TRANK1: variants seen among roughly 807,000 people sequenced by gnomAD.
The protein encoded by TRANK1 is tetratricopeptide repeat and ankyrin repeat containing 1.
A neutral mutation model predicts 266.0 loss-of-function variants in TRANK1; 198 were observed. That is an observed-to-expected ratio of 0.74 (90% CI 0.66 to 0.84). The LOEUF is 0.84. Ranked by LOEUF, TRANK1 falls within the 40% of genes least tolerant of loss-of-function variation. TRANK1 has a pLI of 0.00. For missense variants in TRANK1, 3,326 were observed against 3,634.6 expected (o/e 0.92, Z 2.18); for synonymous variants, 1,396 against 1,384.1 (o/e 1.01, Z -0.19).
Position 36,838,683 on chromosome 3 carries a change from A to C in TRANK1, c.5314T>G (p.Phe1772Val). The change falls in exon 19 of 24, where the codon TTT becomes GTT. Residue 1772 changes from phenylalanine to valine, a missense_variant. Coordinates refer to ENST00000645898, the MANE Select transcript of TRANK1 (RefSeq NM_001329998.2). ...AAKCYQKGGAFEKEKLALAHD... is the reference protein window; with the variant it reads ...AAKCYQKGGAVEKEKLALAHD... ...GCCAGGGCCAACTTCTCCTTCTCAA[A>C]TGCACCTCCTTTCTGGTAACACTTG... 6.2e-7 allele frequency: 1 copy of C among 1,613,748 alleles called. No individual in the cohort carries two copies. Among genetic ancestry groups the C allele is most frequent in the Non-Finnish European group, 8.5e-7 (1 of 1,179,804 alleles).
At chr3:36,892,752 A>G in intron 6 of TRANK1, 149 bp downstream of exon 6, 1 of 255,480 alleles carries the variant, frequency 3.9e-6, no homozygotes, top group Non-Finnish European at 7.0e-6. Context: ...AATTGCTTCA[A>G]CCCAGGAGGA....
At chr3:36,882,233 T>C (rs2125591326) in intron 8 of TRANK1, among the ~76,000 whole-genome samples, 1 of 152,336 alleles carries the variant, frequency 6.6e-6, no homozygotes, top group African/African-American at 2.4e-5. Context: ...TCCACTTCCT[T>C]GTCAACATTT....
intron 9 of TRANK1, among the ~76,000 whole-genome samples, chr3:36,873,319 A>G: frequency 6.6e-6 from 1 of 152,346 alleles, no homozygotes; most frequent in African/African-American, 2.4e-5. Flanking sequence ...CAACATATCA[A>G]GGAGGAAATC....
At position 36,846,262 on chromosome 3, in the gene TRANK1, G is replaced by A. The variant is rs760542722; in HGVS notation, c.5177C>T (p.Thr1726Ile). ...IRRDFVQVVK[T>I]DENKDFDDSM... ...CAGGATCTTACCTTTATTTTCATCT[G>A]TCTTTACAACTTGGACAAAATCTCT... The change falls in exon 17 of 24, where the codon ACA becomes ATA. Residue 1726 changes from threonine to isoleucine, a missense_variant. Coordinates refer to ENST00000645898, the MANE Select transcript of TRANK1 (RefSeq NM_001329998.2). 6.3e-7 allele frequency: 1 copy of A among 1,595,932 alleles called. No homozygotes were observed. Among genetic ancestry groups the A allele is most frequent in the East Asian group, 2.3e-5 (1 of 44,354 alleles).
intron 2 of TRANK1, among the ~76,000 whole-genome samples, chr3:36,907,459 ATT>A (rs1212991729): frequency 0.027 from 2,839 of 104,238 alleles, 67 homozygotes; most frequent in African/African-American, 0.099. Flanking sequence ...AAATTTATTG[ATT>A]TTTTTTTTTT....
chr3:36,895,857 A>T, intron 4 of TRANK1, 99 bp from the exon 5 acceptor site: 1 of 692,184 alleles, frequency 1.4e-6, no homozygotes, highest in South Asian at 2.3e-5. Flanking sequence ...GACAAATGGT[A>T]AATTAAAGAT....
chr3:36,927,194 A>G (rs191743042), intron 1 of TRANK1, among the ~76,000 whole-genome samples: 1 of 152,260 alleles, frequency 6.6e-6, no homozygotes, highest in Admixed American at 6.5e-5. Flanking sequence ...CTGACCGACT[A>G]ACAATCCTAG....
chr3:36,847,716 G>T (rs1023323547), intron 15 of TRANK1, among the ~76,000 whole-genome samples: 9 of 152,198 alleles, frequency 5.9e-5, no homozygotes, highest in Non-Finnish European at 1.0e-4. Context: ...TGCACATAGG[G>T]TCAGCCGTTA....
intron 9 of TRANK1, among the ~76,000 whole-genome samples, chr3:36,867,848 C>G (rs144347305): frequency 6.6e-6 from 1 of 152,222 alleles, no homozygotes; most frequent in Admixed American, 6.5e-5. Flanking sequence ...ATTATAACAT[C>G]GATGAGAAAA....
intron 8 of TRANK1, among the ~76,000 whole-genome samples, chr3:36,879,910 G>GTAAATATACAAATATATGTAAATATA (rs1559449325): frequency 5.9e-5 from 1 of 16,898 alleles, no homozygotes; most frequent in Non-Finnish European, 1.0e-4. Flanking sequence ...ATGTAAACAT[G>GTAAATATACAAATATATGTAAATATA]CAAATATATG....
chr3:36,887,898 G>T (rs908710827), intron 8 of TRANK1, among the ~76,000 whole-genome samples: 1 of 152,228 alleles, frequency 6.6e-6, no homozygotes, highest in Non-Finnish European at 1.5e-5. Flanking sequence ...GTCATACACT[G>T]CTGGTGGCAC....
At chr3:36,889,291 A>G (rs1238763095) in intron 8 of TRANK1, among the ~76,000 whole-genome samples, 1 of 152,206 alleles carries the variant, frequency 6.6e-6, no homozygotes, top group Non-Finnish European at 1.5e-5. Context: ...GAGAGTGAAC[A>G]CAGCCTTCCT....
rs948612875 is a variant in TRANK1, at chr3:36,827,548, C to T, written c.*727G>A. ...TGGGAATGCTCCCAGCAACATTCCC[C>T]AGCCTTTCCCCCTAGGGAAGGGACA... On this transcript the variant is annotated 3_prime_UTR_variant, in exon 24 of 24. Coordinates refer to ENST00000645898, the MANE Select transcript of TRANK1 (RefSeq NM_001329998.2). 1.3e-5 allele frequency: 2 copies of T among 152,266 alleles called. No individual in the cohort carries two copies. Among genetic ancestry groups the T allele is most frequent in the African/African-American group, 4.8e-5 (2 of 41,470 alleles). The allele number at this position is 152,266 out of a possible 1,614,324, so 9.4% of individuals were successfully genotyped here. A position where few individuals can be genotyped will look rare whatever the true frequency, so the allele number is the denominator to read the frequency against.
chr3:36,830,319 T>TA (rs1284824798), intron 22 of TRANK1, among the ~76,000 whole-genome samples: 2,584 of 134,040 alleles, frequency 0.019, 42 homozygotes, highest in African/African-American at 0.05. Context: ...CATCTCTATT[T>TA]AAAAAAAAAA....
chr3:36,850,154 C>T, intron 15 of TRANK1: 2 of 985,376 alleles, frequency 2.0e-6, no homozygotes, highest in Non-Finnish European at 2.4e-6. Flanking sequence ...AAAGTCTTAC[C>T]CTTCCTCTTT....
intron 8 of TRANK1, among the ~76,000 whole-genome samples, chr3:36,875,596 TTTC>T (rs2079376232): frequency 6.6e-6 from 1 of 152,188 alleles, no homozygotes; most frequent in Non-Finnish European, 1.5e-5. Context: ...ATGGGTGTTG[TTTC>T]AAGCCACTAA....
At chr3:36,898,436 T>G (rs1457321643) in intron 4 of TRANK1, among the ~76,000 whole-genome samples, 2 of 145,426 alleles carry the variant, frequency 1.4e-5, no homozygotes, top group East Asian at 2.1e-4. Context: ...GCAACAAGAC[T>G]GAAAATCCAT....
intron 12 of TRANK1, 133 bp downstream of exon 12, chr3:36,858,585 G>A: frequency 9.5e-7 from 1 of 1,048,492 alleles, no homozygotes; most frequent in Non-Finnish European, 1.3e-6. Context: ...GGTGACATGG[G>A]CAGGCCTGGC....
At chr3:36,905,148 C>T (rs1037829847) in intron 2 of TRANK1, among the ~76,000 whole-genome samples, 5 of 151,898 alleles carry the variant, frequency 3.3e-5, no homozygotes, top group Non-Finnish European at 7.4e-5. Context: ...ATTAGCCGGG[C>T]GTGGTGGCAG....
Sources: allele counts gnomAD v4.1 joint callset (sites outside exome capture counted in the v4.1 genomes callset), GRCh38; gene constraint gnomAD v4.1.1; transcripts MANE v1.5; gene names NCBI Gene and HGNC (gene_info 2026-07-23, HGNC 2026-07-21).